The following TRPM3 variants were observed in gnomAD, a reference collection of about 807,000 sequenced individuals.
TRPM3 encodes long transient receptor potential channel 3.
TRPM3 carries 77 observed loss-of-function variants against 181.2 expected under a neutral mutation model. That is an observed-to-expected ratio of 0.42 (90% confidence interval 0.35 to 0.51). The LOEUF (loss-of-function observed/expected upper bound fraction) is 0.51, where lower values mean the gene tolerates loss of function less well. Among genes scored for constraint, TRPM3 ranks in the 20% least tolerant of loss-of-function variants. The pLI is 0.01. For synonymous variants in TRPM3, 745 were observed against 796.4 expected, an observed-to-expected ratio of 0.94 and a Z score of 1.09; for missense variants, 1,759 against 2,196.7, an observed-to-expected ratio of 0.80 and a Z score of 3.98.
chr9:70,634,304 T>A lies in TRPM3; in HGVS notation c.1632+907A>T, dbSNP rs1476910864. 5.3e-5 allele frequency among the ~76,000 whole-genome samples: 8 copies of A among 152,238 alleles called. No individual in the cohort carries two copies. In the East Asian group the frequency reaches 1.5e-3, roughly 29 times the overall value. On this transcript the variant is annotated intron_variant, in intron 12 of 25. Coordinates refer to ENST00000677713, the MANE Select transcript of TRPM3 (RefSeq NM_001366145.2). ...TTTGTATTTTTAGTAGAGACAGGGT[T>A]TCACCATGTTAACCAGACCAGGCTG...
At chr9:70,941,125 G>A (rs1465073313) in intron 1 of TRPM3, among the ~76,000 whole-genome samples, 1 of 152,170 alleles carries the variant, frequency 6.6e-6, no homozygotes, top group African/African-American at 2.4e-5. Flanking sequence ...TCCAGGGTAT[G>A]TCTGAGAGGG....
intron 1 of TRPM3, among the ~76,000 whole-genome samples, chr9:70,876,286 C>T (rs1203503674): frequency 1.4e-5 from 2 of 148,010 alleles, no homozygotes; most frequent in African/African-American, 5.0e-5. Context: ...CATACACACA[C>T]ACATATATAG....
chr9:70,621,075 C>T (rs924209054), intron 15 of TRPM3, among the ~76,000 whole-genome samples, 169 bp downstream of exon 15: 1 of 144,600 alleles, frequency 6.9e-6, no homozygotes, highest in African/African-American at 2.5e-5. Flanking sequence ...TATAGTATTA[C>T]ACATTATATA....
intron 1 of TRPM3, among the ~76,000 whole-genome samples, chr9:71,240,759 T>C (rs1284775735): frequency 6.6e-6 from 1 of 152,154 alleles, no homozygotes; most frequent in Non-Finnish European, 1.5e-5. Flanking sequence ...AGGATAACCA[T>C]ATTCAGGGAG....
At chr9:71,227,382 C>T (rs2080749806) in intron 1 of TRPM3, among the ~76,000 whole-genome samples, 1 of 151,772 alleles carries the variant, frequency 6.6e-6, no homozygotes, top group South Asian at 2.1e-4. Context: ...GCTGTAAGTC[C>T]CTACACTGAA....
chr9:70,598,858 A>G (rs777279213), intron 20 of TRPM3, among the ~76,000 whole-genome samples, 188 bp from the exon 21 acceptor site: 3 of 152,222 alleles, frequency 2.0e-5, no homozygotes, highest in Non-Finnish European at 4.4e-5. Context: ...GCAATATTCC[A>G]AAGGCACATA....
exon 1 of TRPM3, chr9:71,446,725 G>C: frequency 6.4e-7 from 1 of 1,550,564 alleles, no homozygotes; most frequent in African/African-American, 1.4e-5. Flanking sequence ...TCCACGACTC[G>C]GCAAACCTGC....
intron 1 of TRPM3, among the ~76,000 whole-genome samples, chr9:71,226,064 G>GT (rs1440563990): frequency 7.5e-6 from 1 of 132,624 alleles, no homozygotes; most frequent in Non-Finnish European, 1.6e-5. Context: ...AAGTTATAGA[G>GT]TTTTTAGTTT....
intron 1 of TRPM3, among the ~76,000 whole-genome samples, chr9:70,972,922 T>C (rs2097261517): frequency 1.3e-5 from 2 of 152,198 alleles, no homozygotes; most frequent in African/African-American, 2.4e-5. Flanking sequence ...TCCCATGTTC[T>C]GACTTTGGAA....
At chr9:71,338,092 G>GAA (rs386734897) in intron 1 of TRPM3, among the ~76,000 whole-genome samples, 22 of 144,612 alleles carry the variant, frequency 1.5e-4, no homozygotes, top group African/African-American at 2.0e-4. Flanking sequence ...AACAACAACA[G>GAA]AAAAAAAAAA....
chr9:71,160,144 G>T (rs964020908), intron 1 of TRPM3, among the ~76,000 whole-genome samples: 2 of 152,042 alleles, frequency 1.3e-5, no homozygotes, highest in Non-Finnish European at 2.9e-5. Context: ...CTTTGGCCTT[G>T]TAACTCTTTT....
chr9:70,624,676 G>T (rs941052808), intron 14 of TRPM3, among the ~76,000 whole-genome samples: 1 of 152,076 alleles, frequency 6.6e-6, no homozygotes, highest in African/African-American at 2.4e-5. Flanking sequence ...ACTTTAACCA[G>T]AATATCCTAC....
At chr9:70,790,157 G>A (rs1025331555) in intron 6 of TRPM3, among the ~76,000 whole-genome samples, 3 of 152,084 alleles carry the variant, frequency 2.0e-5, no homozygotes, top group African/African-American at 7.2e-5. Flanking sequence ...TTATGTCAAG[G>A]TCACCCACAG....
intron 1 of TRPM3, among the ~76,000 whole-genome samples, chr9:71,190,035 T>C (rs1161136173): frequency 2.6e-5 from 4 of 151,904 alleles, no homozygotes. Context: ...GTGTCACTTT[T>C]ATATATTTCA....
intron 1 of TRPM3, among the ~76,000 whole-genome samples, chr9:70,988,305 T>G (rs60191817): frequency 0.044 from 6,702 of 152,220 alleles, 237 homozygotes; most frequent in African/African-American, 0.095. Context: ...ATCCAGATAC[T>G]CTTAAGTTTG....
chr9:70,971,164 G>A (rs191822308), intron 1 of TRPM3, among the ~76,000 whole-genome samples: 6 of 152,114 alleles, frequency 3.9e-5, no homozygotes, highest in African/African-American at 9.6e-5. Context: ...ATAAAATGCC[G>A]ACTGTAAAGG....
intron 22 of TRPM3, among the ~76,000 whole-genome samples, chr9:70,563,692 T>G (rs979443090): frequency 6.6e-6 from 1 of 152,104 alleles, no homozygotes; most frequent in African/African-American, 2.4e-5. Context: ...GCAAGCCATA[T>G]GAGAGAGGGA....
chr9:70,566,446 G>A (rs2050608746), intron 22 of TRPM3, among the ~76,000 whole-genome samples: 1 of 152,144 alleles, frequency 6.6e-6, no homozygotes, highest in Non-Finnish European at 1.5e-5. Flanking sequence ...TGGGAGCAGG[G>A]AAAGCAGCAT....
In TRPM3 at chr9:70,535,326, G is replaced by C. The variant is rs2041478109; in HGVS notation, c.*627C>G. ...CCAGAAGTGAATAGATAAGAGACAG[G>C]TGAACTATGACTGTTACCTTGTTTT... is the stretch of plus-strand genomic sequence containing the variant. On this transcript the variant is annotated 3_prime_UTR_variant, in exon 26 of 26. Transcript: ENST00000677713. 3.8e-6 allele frequency: 5 copies of C among 1,307,694 alleles called. 1 individual carries two copies. In the African/African-American group the frequency reaches 4.4e-5, roughly 12 times the overall value. The allele number at this position is 1,307,694 out of a possible 1,614,324, so 81.0% of individuals were successfully genotyped here. A position where few individuals can be genotyped will look rare whatever the true frequency, so the allele number is the denominator to read the frequency against.
Sources: gnomAD v4.1 joint callset for allele counts (sites outside exome capture counted in the v4.1 genomes callset) on GRCh38, gnomAD v4.1.1 for gene constraint, MANE v1.5 for transcripts, NCBI Gene and HGNC (gene_info 2026-07-23, HGNC 2026-07-21) for gene names.